Variants in MYO18A observed in about 807,000 individuals in gnomAD.
The protein encoded by MYO18A is unconventional myosin-XVIIIa.
MYO18A carries 78 observed loss-of-function variants against 235.8 expected under a neutral mutation model. The ratio of observed to expected loss-of-function variants is 0.33; its 90% CI spans 0.28 to 0.40. The LOEUF (loss-of-function observed/expected upper bound fraction) is 0.40, where lower values mean the gene tolerates loss of function less well. Among genes scored for constraint, MYO18A ranks in the 10% least tolerant of loss-of-function variants. MYO18A has a pLI of 1.00. For missense variants in MYO18A, 2,215 were observed against 2,699.3 expected, an observed-to-expected ratio of 0.82 and a Z score of 3.98; for synonymous variants, 977 against 1,077.8, an observed-to-expected ratio of 0.91 and a Z score of 1.83.
At chr17:29,080,728 C>T (rs866379622) in intron 41 of MYO18A, 14 of 985,436 alleles carry the variant, frequency 1.4e-5, no homozygotes, top group Admixed American at 6.1e-5. Context: ...CTGCGGCCCC[C>T]GGCCAGCGCG....
At chr17:29,138,602 T>G (rs932141531) in intron 2 of MYO18A, among the ~76,000 whole-genome samples, 1 of 152,250 alleles carries the variant, frequency 6.6e-6, no homozygotes, top group Admixed American at 6.5e-5. Flanking sequence ...TCAGGTGCTG[T>G]GCTGAATCCC....
At chr17:29,090,976 T>G in intron 34 of MYO18A, 50 bp from the exon 35 acceptor site, 1 of 1,485,038 alleles carries the variant, frequency 6.7e-7, no homozygotes, top group Non-Finnish European at 9.3e-7. Flanking sequence ...AGTGTGCCTG[T>G]GGGCTCCAGC....
chr17:29,144,466 C>T (rs1434440166), intron 2 of MYO18A, among the ~76,000 whole-genome samples: 2 of 152,220 alleles, frequency 1.3e-5, no homozygotes, highest in South Asian at 2.1e-4. Flanking sequence ...CCAAGACCCA[C>T]CCGGCAATGC....
At chr17:29,175,501 C>T (rs1408606453) in intron 1 of MYO18A, among the ~76,000 whole-genome samples, 1 of 151,260 alleles carries the variant, frequency 6.6e-6, no homozygotes, top group East Asian at 1.9e-4. Flanking sequence ...GTAGCTGGGA[C>T]TACAGGCACT....
At chr17:29,085,536 G>C (rs575344187) in intron 40 of MYO18A, 68 bp downstream of exon 40, 3 of 1,471,338 alleles carry the variant, frequency 2.0e-6, no homozygotes, top group Non-Finnish European at 2.8e-6. Flanking sequence ...CCCAGGGTGG[G>C]AGCCAGTGTT....
Position 29,114,022 on chromosome 17 carries a change from G to A in MYO18A, c.2587C>T (p.His863Tyr), listed in dbSNP as rs767501500. The part of the protein sequence containing the change: ...DSVAAVDQAS[H>Y]QSLVRSLART... Reference sequence around the variant, plus strand: ...TCTGGAGCTCCTACCAGGGACTGATGGGAGGCCTGGTCCACAGCAGCCACA... The same window carrying A: ...TCTGGAGCTCCTACCAGGGACTGATAGGAGGCCTGGTCCACAGCAGCCACA... Residue 863 changes from histidine to tyrosine, a missense_variant, in exon 15 of 42, where the codon CAT becomes TAT. Physicochemically the swap from His to Tyr is moderately conservative, Grantham distance 83. Coordinates refer to ENST00000527372, the MANE Select transcript of MYO18A (RefSeq NM_078471.4). The A allele has an allele frequency of 6.3e-7, 1 of 1,597,998 alleles. No homozygotes were observed. The highest frequency in any genetic ancestry group is 8.5e-7 in the Non-Finnish European group (1 of 1,172,566).
intron 20 of MYO18A, among the ~76,000 whole-genome samples, chr17:29,105,253 G>A (rs1430669340): frequency 1.3e-5 from 2 of 151,606 alleles, no homozygotes; most frequent in Admixed American, 1.3e-4. Context: ...GAAGACCAGT[G>A]CCAGGGCATC....
intron 2 of MYO18A, among the ~76,000 whole-genome samples, chr17:29,145,000 T>C (rs2067818032): frequency 6.6e-6 from 1 of 152,218 alleles, no homozygotes; most frequent in African/African-American, 2.4e-5. Flanking sequence ...CACAAAATAT[T>C]ATTTTTATAA....
intron 22 of MYO18A, 105 bp downstream of exon 22, chr17:29,099,529 G>A (rs1364924350): frequency 9.8e-6 from 14 of 1,431,582 alleles, no homozygotes; most frequent in East Asian, 2.4e-5. Context: ...AGGACATGGT[G>A]CCCTGGGAGG....
At chr17:29,086,783 C>A (rs2066264546) in intron 38 of MYO18A, 153 bp downstream of exon 38, 1 of 1,146,664 alleles carries the variant, frequency 8.7e-7, no homozygotes, top group Non-Finnish European at 1.2e-6. Flanking sequence ...AGCTTCCTGG[C>A]CTGCCCTCTT....
rs2067103213 is a variant in MYO18A at position 29,117,606 on chromosome 17, G to A, written c.2038+439C>T. Among the ~76,000 whole-genome samples, 1 of 152,156 alleles carries A rather than the reference G, an allele frequency of 6.6e-6. No homozygotes were observed. The highest frequency in any genetic ancestry group is 2.4e-5 in the African/African-American group (1 of 41,418). ...AGTCCTCTCTGCAGCAACAGAACAA[G>A]CCCAGCCCCTAGAAAGTCCTGGGCA... is the stretch of plus-strand genomic sequence containing the variant. On this transcript the variant is annotated intron_variant, in intron 10 of 41. Transcript: ENST00000527372. This position sits in a 1 kb window ranked among gnomAD's most constrained non-coding sequence, Gnocchi z 4.6.
intron 2 of MYO18A, among the ~76,000 whole-genome samples, chr17:29,163,026 C>A (rs2068207248): frequency 2.0e-5 from 3 of 152,332 alleles, no homozygotes; most frequent in Middle Eastern, 3.4e-3. Flanking sequence ...TAACAGATGG[C>A]TAGTCAGCTC....
chr17:29,150,547 G>C (rs1365891225), intron 2 of MYO18A, among the ~76,000 whole-genome samples: 1 of 152,238 alleles, frequency 6.6e-6, no homozygotes, highest in Non-Finnish European at 1.5e-5. Context: ...ACCATCCCCT[G>C]CCTTACCAGG....
In MYO18A at chr17:29,074,176, G is replaced by A; in HGVS notation, c.*594C>T. 6.2e-7 allele frequency: 1 copy of A among 1,608,440 alleles called. No individual in the cohort carries two copies. Among genetic ancestry groups the A allele is most frequent in the South Asian group, 1.1e-5 (1 of 90,354 alleles). The stretch of plus-strand genomic sequence containing the variant: ...CTGCACAGAGAAAGGACTGCTCTCT[G>A]AAGGGTGAAGATGGAGATGACATTC... On this transcript the variant is annotated 3_prime_UTR_variant, in exon 42 of 42. Transcript: ENST00000527372. The surrounding 1 kb of genome is among the most constrained non-coding windows in gnomAD (Gnocchi z 4.4).
intron 36 of MYO18A, 51 bp downstream of exon 36, chr17:29,090,481 A>G: frequency 6.6e-7 from 1 of 1,508,426 alleles, no homozygotes; most frequent in Non-Finnish European, 9.0e-7. Flanking sequence ...TTCCTCCCAC[A>G]CCTAGTGACC....
intron 19 of MYO18A, among the ~76,000 whole-genome samples, chr17:29,108,320 G>A (rs1313210284): frequency 1.3e-5 from 2 of 152,096 alleles, no homozygotes; most frequent in Non-Finnish European, 2.9e-5. Flanking sequence ...GGTGTGACCT[G>A]ACTTTTGGCT....
At chr17:29,083,606 G>A (rs528874975) in intron 40 of MYO18A, among the ~76,000 whole-genome samples, 1 of 151,972 alleles carries the variant, frequency 6.6e-6, no homozygotes, top group East Asian at 1.9e-4. Flanking sequence ...CCAACTCATA[G>A]AGAGGGGAAT....
intron 1 of MYO18A, among the ~76,000 whole-genome samples, chr17:29,178,489 G>A (rs2068582145): frequency 6.7e-6 from 1 of 150,288 alleles, no homozygotes; most frequent in Non-Finnish European, 1.5e-5. Flanking sequence ...TGGAATTGAG[G>A]CCACAACCCC....
Position 29,093,388 on chromosome 17 carries a change from C to A in MYO18A, c.4861G>T (p.Asp1621Tyr), listed in dbSNP as rs749758384. 6.2e-7 allele frequency: 1 copy of A among 1,612,384 alleles called. No individual in the cohort carries two copies. Among genetic ancestry groups the A allele is most frequent in the Non-Finnish European group, 8.5e-7 (1 of 1,179,818 alleles). ...MEVQLEEEYE[D>Y]KQKVLREKRE... ...TTCTCTCGCAGAACCTTCTGCTTGT[C>A]CTCATACTCTTCCTCTAGCTGCACC... Residue 1621 changes from aspartate (D) to tyrosine (Y), a missense_variant, in exon 32 of 42, where the codon GAC becomes TAC. Physicochemically the swap from Asp to Tyr is radical, Grantham distance 160. Coordinates refer to ENST00000527372, the MANE Select transcript of MYO18A (RefSeq NM_078471.4).
Sources: gnomAD v4.1 joint callset for allele counts (sites outside exome capture counted in the v4.1 genomes callset) on GRCh38, gnomAD v4.1.1 for gene constraint, Gnocchi (gnomAD v3.1) non-coding constraint, MANE v1.5 for transcripts, NCBI Gene and HGNC (gene_info 2026-07-23, HGNC 2026-07-21) for gene names.